Variants in CDK5RAP2 observed in about 807,000 individuals in gnomAD.
CDK5RAP2 encodes CDK5 regulatory subunit associated protein 2, also known as CDK5 regulatory subunit-associated protein 2.
CDK5RAP2 carries 147 observed loss-of-function variants against 232.9 expected under a neutral mutation model. That is an observed-to-expected ratio of 0.63 (90% confidence interval 0.55 to 0.72). CDK5RAP2 has a LOEUF of 0.72. Ranked by LOEUF, CDK5RAP2 falls within the 30% of genes least tolerant of loss-of-function variation. CDK5RAP2 has a pLI of 0.00. For missense variants in CDK5RAP2, 2,195 were observed against 2,231.5 expected (o/e 0.98, Z 0.33); for synonymous variants, 833 against 833.7 (o/e 1.00, Z 0.01).
Position 120,491,290 on chromosome 9 carries a change from T to C in CDK5RAP2, c.1482+17A>G, listed in dbSNP as rs556947756. On this transcript the variant is annotated intron_variant, in intron 13 of 37. Coordinates refer to ENST00000349780, the MANE Select transcript of CDK5RAP2 (RefSeq NM_018249.6). Reference sequence around the variant, plus strand: ...CCCATGCCAAATTAAAAAATTTAAATACAAAAGTTACAGTACCTGAAGCAA... The same window carrying C: ...CCCATGCCAAATTAAAAAATTTAAACACAAAAGTTACAGTACCTGAAGCAA... The C allele has an allele frequency of 2.5e-4, 408 of 1,601,284 alleles. 1 individual carries two copies. The highest frequency in any genetic ancestry group is 2.6e-4 in the Non-Finnish European group (307 of 1,169,624).
intron 21 of CDK5RAP2, among the ~76,000 whole-genome samples, chr9:120,449,909 C>T (rs2131384415): frequency 6.6e-6 from 1 of 152,322 alleles, no homozygotes; most frequent in Non-Finnish European, 1.5e-5. Context: ...TCACACACTG[C>T]TGGTGAGAAT....
At chr9:120,483,028 G>A in intron 14 of CDK5RAP2, among the ~76,000 whole-genome samples, 1 of 152,068 alleles carries the variant, frequency 6.6e-6, no homozygotes, top group Non-Finnish European at 1.5e-5. Flanking sequence ...CTGCCCAAAG[G>A]GGAGTCATGA....
At chr9:120,434,826 T>C (rs1418561006) in intron 25 of CDK5RAP2, among the ~76,000 whole-genome samples, 6 of 152,200 alleles carry the variant, frequency 3.9e-5, no homozygotes, top group African/African-American at 1.4e-4. Context: ...AAGTGGAAGT[T>C]GTTAGTGTCA....
At chr9:120,446,244 G>A (rs919826284) in intron 22 of CDK5RAP2, among the ~76,000 whole-genome samples, 6 of 152,042 alleles carry the variant, frequency 3.9e-5, no homozygotes, top group African/African-American at 1.5e-4. Context: ...CACAGGCTGT[G>A]GTTTGTCAAC....
At chr9:120,419,026 TG>T (rs1277390398) in intron 27 of CDK5RAP2, among the ~76,000 whole-genome samples, 1 of 152,124 alleles carries the variant, frequency 6.6e-6, no homozygotes, top group Admixed American at 6.5e-5. Context: ...TATTAGGAAG[TG>T]GGGGCTTTGG....
chr9:120,539,117 C>T lies in CDK5RAP2; in HGVS notation c.431G>A (p.Arg144Gln), dbSNP rs569356580. The T allele has an allele frequency of 1.7e-5, 27 of 1,613,870 alleles. No individual in the cohort carries two copies. In the East Asian group the frequency reaches 2.9e-4, roughly 17 times the overall value. Residue 144 changes from arginine to glutamine, a missense_variant, in exon 6 of 38, where the codon CGG becomes CAG. Transcript: ENST00000349780. The part of the protein sequence containing the change: ...LAEAGGSEIQ[R>Q]VKEDARKKVQ... The stretch of plus-strand genomic sequence containing the variant: ...CTTCTTTCGAGCATCTTCTTTCACC[C>T]GCTGGATTTCAGAGCCACCTGCTTC...
intron 32 of CDK5RAP2, chr9:120,406,102 C>T (rs190938886): frequency 1.3e-5 from 2 of 152,186 alleles, no homozygotes; most frequent in African/African-American, 4.8e-5. Flanking sequence ...GAACTAATCA[C>T]TACGAGCGGA....
intron 34 of CDK5RAP2, 24 bp downstream of exon 34, chr9:120,402,782 C>A: frequency 6.2e-7 from 1 of 1,613,112 alleles, no homozygotes; most frequent in Non-Finnish European, 8.5e-7. Context: ...CAGCTTGTGC[C>A]CCCCAGCTCT....
At position 120,568,136 on chromosome 9, in the gene CDK5RAP2, C is replaced by G. The variant is rs541379720; in HGVS notation, c.195+185G>C. On this transcript the variant is annotated intron_variant, in intron 3 of 37. Transcript: ENST00000349780. ...ATCCCGTCAGAACCTATATTTGGCC[C>G]TTGTATAAAGGGCTGACTGCATTTG... 1.2e-4 allele frequency among the ~76,000 whole-genome samples: 19 copies of G among 152,308 alleles called. No homozygotes were observed. In the East Asian group the frequency reaches 2.1e-3, roughly 17 times the overall value.
At chr9:120,476,980 G>A (rs987235043) in intron 15 of CDK5RAP2, among the ~76,000 whole-genome samples, 14 of 152,158 alleles carry the variant, frequency 9.2e-5, no homozygotes, top group Non-Finnish European at 1.9e-4. Context: ...TAGTTTTCAT[G>A]ACCTTATAGA....
In CDK5RAP2 at chr9:120,403,157, G is replaced by A; in HGVS notation, c.5042-86C>T. On this transcript the variant is annotated intron_variant, in intron 33 of 37. Coordinates refer to ENST00000349780, the MANE Select transcript of CDK5RAP2 (RefSeq NM_018249.6). This position sits in a 1 kb window ranked among gnomAD's most constrained non-coding sequence, Gnocchi z 4.2. ...TTATGATGTTGAAGCTAGCTAGGAG[G>A]GCTAGAAGAGGCCCTCGTGCCCAAA... The A allele has an allele frequency of 1.4e-6, 2 of 1,414,690 alleles. No individual in the cohort carries two copies. Among genetic ancestry groups the A allele is most frequent in the Middle Eastern group, 2.3e-4 (1 of 4,404 alleles). 87.6% of individuals were successfully genotyped at this position (1,414,690 alleles called of 1,614,324 possible).
intron 10 of CDK5RAP2, among the ~76,000 whole-genome samples, chr9:120,526,591 C>G (rs1318023419): frequency 4.6e-5 from 7 of 152,148 alleles, no homozygotes; most frequent in Non-Finnish European, 1.5e-5. Context: ...TACTGGTCTC[C>G]CAGCCTCCAT....
At chr9:120,572,588 G>A (rs754379216) in intron 1 of CDK5RAP2, among the ~76,000 whole-genome samples, 21 of 152,280 alleles carry the variant, frequency 1.4e-4, no homozygotes, top group Admixed American at 3.3e-4. Context: ...AAGTTGTCTT[G>A]GTTGAATTAC....
At chr9:120,516,879 TCA>T (rs1420271753) in intron 12 of CDK5RAP2, among the ~76,000 whole-genome samples, 1 of 152,180 alleles carries the variant, frequency 6.6e-6, no homozygotes, top group Non-Finnish European at 1.5e-5. Context: ...CCCAGTAATC[TCA>T]CTCCTCAGGA....
intron 25 of CDK5RAP2, among the ~76,000 whole-genome samples, chr9:120,431,990 G>T (rs2035311069): frequency 6.6e-6 from 1 of 152,196 alleles, no homozygotes; most frequent in African/African-American, 2.4e-5. Context: ...GGAATCCCTA[G>T]TTTAATGGAG....
chr9:120,546,842 G>A (rs549299415), intron 4 of CDK5RAP2, among the ~76,000 whole-genome samples: 3 of 152,128 alleles, frequency 2.0e-5, no homozygotes, highest in East Asian at 3.9e-4. Context: ...TTGCTATATC[G>A]CACAGGCTGG....
chr9:120,440,218 C>A (rs2035820881), intron 23 of CDK5RAP2: 2 of 554,870 alleles, frequency 3.6e-6, no homozygotes, highest in East Asian at 3.1e-5. Context: ...AGTGACTGTT[C>A]TAAAAAGTAA....
intron 25 of CDK5RAP2, among the ~76,000 whole-genome samples, chr9:120,435,704 G>A (rs1013517465): frequency 1.2e-4 from 19 of 152,116 alleles, no homozygotes; most frequent in African/African-American, 4.1e-4. Context: ...CAAAAAGATG[G>A]AGACATGTCA....
intron 16 of CDK5RAP2, among the ~76,000 whole-genome samples, chr9:120,470,453 G>A (rs1286577694): frequency 1.3e-5 from 2 of 152,158 alleles, no homozygotes; most frequent in Admixed American, 6.5e-5. Context: ...ATCTTAGGCC[G>A]TAGGTTTTCA....
Sources: allele counts gnomAD v4.1 joint callset (sites outside exome capture counted in the v4.1 genomes callset), GRCh38; gene constraint gnomAD v4.1.1; non-coding constraint Gnocchi (gnomAD v3.1); transcripts MANE v1.5; gene names NCBI Gene and HGNC (gene_info 2026-07-23, HGNC 2026-07-21).